Variants in NRG3 observed in about 807,000 individuals in gnomAD.
NRG3 encodes neuregulin 3, also known as pro-neuregulin-3, membrane-bound isoform.
In NRG3, 31 loss-of-function variants were observed where a neutral mutation model predicts 66.9. That is an observed-to-expected ratio of 0.46 (90% CI 0.35 to 0.63). NRG3 has a LOEUF of 0.63. Among genes scored for constraint, NRG3 ranks in the 20% least tolerant of loss-of-function variants. The pLI, the probability that NRG3 is intolerant of heterozygous loss-of-function variation, is 0.00. For synonymous variants in NRG3, 393 were observed against 359.4 expected (o/e 1.09, Z -1.06); for missense variants, 910 against 878.9 (o/e 1.04, Z -0.45).
At chr10:82,702,366 G>A (rs2055951212) in intron 2 of NRG3, among the ~76,000 whole-genome samples, 1 of 152,112 alleles carries the variant, frequency 6.6e-6, no homozygotes, top group Admixed American at 6.6e-5. Flanking sequence ...GAACTCCAGA[G>A]CAACTCAATT....
At chr10:82,161,788 T>C (rs1160572086) in intron 1 of NRG3, among the ~76,000 whole-genome samples, 1 of 152,106 alleles carries the variant, frequency 6.6e-6, no homozygotes, top group Non-Finnish European at 1.5e-5. Context: ...CAACTGCAAT[T>C]ACCCCTATTT....
intron 4 of NRG3, 147 bp from the exon 5 acceptor site, chr10:82,951,319 CATA>C (rs1480120334): frequency 3.6e-5 from 21 of 589,020 alleles, no homozygotes; most frequent in South Asian, 3.6e-4. Context: ...GTAATTGAAT[CATA>C]ATAAGTTCCT....
intron 2 of NRG3, among the ~76,000 whole-genome samples, chr10:82,600,820 C>T (rs1274697923): frequency 1.3e-5 from 2 of 151,850 alleles, no homozygotes; most frequent in Non-Finnish European, 2.9e-5. Flanking sequence ...TTATGGGGTA[C>T]GTGTGCAGGT....
intron 5 of NRG3, among the ~76,000 whole-genome samples, chr10:82,956,240 T>C (rs942122046): frequency 6.6e-6 from 1 of 151,990 alleles, no homozygotes; most frequent in African/African-American, 2.4e-5. Context: ...AAAACTCAAA[T>C]GAACTGTAAA....
intron 4 of NRG3, among the ~76,000 whole-genome samples, chr10:82,909,353 C>T (rs532373986): frequency 6.6e-6 from 1 of 152,194 alleles, no homozygotes. Context: ...CATCCCTAAT[C>T]TGAAAATTCA....
intron 3 of NRG3, among the ~76,000 whole-genome samples, chr10:82,851,371 C>A (rs1381539851): frequency 6.6e-6 from 1 of 152,038 alleles, no homozygotes; most frequent in African/African-American, 2.4e-5. Context: ...TTATTTTCTT[C>A]TCATTGGAGC....
intron 2 of NRG3, among the ~76,000 whole-genome samples, chr10:82,448,163 T>G (rs1158665534): frequency 6.6e-6 from 1 of 152,216 alleles, no homozygotes; most frequent in Non-Finnish European, 1.5e-5. Context: ...GCCATTAGAA[T>G]CATAATCTAC....
intron 1 of NRG3, among the ~76,000 whole-genome samples, chr10:82,117,846 G>A (rs552288664): frequency 3.9e-5 from 6 of 152,222 alleles, no homozygotes; most frequent in African/African-American, 1.4e-4. Context: ...TGCACCATGC[G>A]TATTTGTTGC....
chr10:82,916,206 C>G (rs1266286122), intron 4 of NRG3, among the ~76,000 whole-genome samples: 2 of 152,172 alleles, frequency 1.3e-5, no homozygotes, highest in Non-Finnish European at 2.9e-5. Flanking sequence ...GATTTCAGCA[C>G]TTTGGGAGGC....
chr10:82,777,642 A>G (rs1351083167), intron 3 of NRG3, among the ~76,000 whole-genome samples: 2 of 152,048 alleles, frequency 1.3e-5, no homozygotes, highest in Non-Finnish European at 2.9e-5. Context: ...AGCTCTAGGG[A>G]AGAATTGGTG....
At chr10:82,236,420 G>T (rs921661948) in intron 1 of NRG3, among the ~76,000 whole-genome samples, 2 of 152,082 alleles carry the variant, frequency 1.3e-5, no homozygotes, top group African/African-American at 4.8e-5. Flanking sequence ...TGAAAGCCAG[G>T]GTGCTTCTTT....
intron 1 of NRG3, among the ~76,000 whole-genome samples, chr10:82,327,422 CAG>C (rs1324311919): frequency 6.6e-6 from 1 of 152,146 alleles, no homozygotes; most frequent in Non-Finnish European, 1.5e-5. Flanking sequence ...CTGAGAAAGA[CAG>C]GGATTAAAAA....
At chr10:82,711,664 C>T (rs1467169166) in intron 2 of NRG3, among the ~76,000 whole-genome samples, 2 of 151,702 alleles carry the variant, frequency 1.3e-5, no homozygotes, top group Non-Finnish European at 2.9e-5. Context: ...TGACTTCTTC[C>T]AATGCTACTT....
chr10:81,957,693 G>A (rs930244259), intron 1 of NRG3, among the ~76,000 whole-genome samples: 2 of 152,202 alleles, frequency 1.3e-5, no homozygotes, highest in East Asian at 1.9e-4. Context: ...CAAGTAGACC[G>A]AGAACAGGAA....
chr10:81,893,432 A>C (rs1452804106), intron 1 of NRG3, among the ~76,000 whole-genome samples: 4 of 150,426 alleles, frequency 2.7e-5, no homozygotes, highest in African/African-American at 1.0e-4. Context: ...GAACATCCGC[A>C]GTATGGAATG....
At chr10:82,956,559 C>T (rs934150800) in intron 5 of NRG3, among the ~76,000 whole-genome samples, 6 of 151,844 alleles carry the variant, frequency 4.0e-5, no homozygotes, top group African/African-American at 1.2e-4. Context: ...ATTTAGGAAA[C>T]GCAGTCCGGT....
intron 2 of NRG3, among the ~76,000 whole-genome samples, chr10:82,702,966 C>A (rs902891017): frequency 2.0e-4 from 25 of 128,122 alleles, no homozygotes; most frequent in African/African-American, 9.3e-4. Flanking sequence ...CTGTTTCTGC[C>A]ATTTTTTTTG....
chr10:81,992,478 C>G (rs1037670135), intron 1 of NRG3, among the ~76,000 whole-genome samples: 7 of 152,080 alleles, frequency 4.6e-5, no homozygotes, highest in African/African-American at 1.7e-4. Context: ...TAAATAGATA[C>G]GTTATAAATA....
intron 2 of NRG3, among the ~76,000 whole-genome samples, chr10:82,657,354 CTTACT>C (rs2051953521): frequency 6.6e-6 from 1 of 152,116 alleles, no homozygotes; most frequent in South Asian, 2.1e-4. Context: ...AGTCAAGTAC[CTTACT>C]TTGAGTTGCT....
Sources: gnomAD v4.1 joint callset for allele counts (sites outside exome capture counted in the v4.1 genomes callset) on GRCh38, gnomAD v4.1.1 for gene constraint, MANE v1.5 for transcripts, NCBI Gene and HGNC (gene_info 2026-07-23, HGNC 2026-07-21) for gene names.